The following MCF2L2 variants were observed in gnomAD, a reference collection of about 807,000 sequenced individuals.
MCF2L2 encodes probable guanine nucleotide exchange factor MCF2L2.
Under a neutral mutation model 150.2 loss-of-function variants are expected in MCF2L2, and 102 were observed. The ratio of observed to expected loss-of-function variants is 0.68; its 90% confidence interval spans 0.58 to 0.80. The LOEUF (loss-of-function observed/expected upper bound fraction) is 0.80. MCF2L2 is among the 30% of genes least tolerant of loss of function. The pLI, the probability that MCF2L2 is intolerant of heterozygous loss-of-function variation, is 0.00. For missense variants in MCF2L2, 1,256 were observed against 1,372.8 expected (o/e 0.91, Z 1.34); for synonymous variants, 465 against 491.3 (o/e 0.95, Z 0.71).
intron 1 of MCF2L2, among the ~76,000 whole-genome samples, chr3:183,394,247 G>A (rs1292358228): frequency 2.0e-5 from 3 of 152,282 alleles, no homozygotes; most frequent in East Asian, 1.9e-4. Context: ...GCTCTCAGGC[G>A]CTGTGTAACA....
chr3:183,424,618 A>G (rs1716067504), intron 1 of MCF2L2, among the ~76,000 whole-genome samples: 1 of 152,220 alleles, frequency 6.6e-6, no homozygotes, highest in Non-Finnish European at 1.5e-5. Flanking sequence ...GCGCACGAAT[A>G]ACCCAGTAAC....
intron 5 of MCF2L2, among the ~76,000 whole-genome samples, chr3:183,334,684 T>A (rs1216733767): frequency 6.6e-6 from 1 of 150,756 alleles, no homozygotes; most frequent in African/African-American, 2.4e-5. Flanking sequence ...TCCCAGCTAC[T>A]CGGGAGGCTG....
Position 183,289,626 on chromosome 3 carries a change from C to T in MCF2L2, c.1676-406G>A, listed in dbSNP as rs184071978. 4.5e-3 allele frequency among the ~76,000 whole-genome samples: 681 copies of T among 152,260 alleles called. 6 individuals carry two copies. Among genetic ancestry groups the T allele is most frequent in the African/African-American group, 0.016 (649 of 41,540 alleles). On this transcript the variant is annotated intron_variant, in intron 13 of 29. Coordinates refer to ENST00000328913, the MANE Select transcript of MCF2L2 (RefSeq NM_015078.4). ...ATCCCAGCACTTTGGGAGGCTGAGG[C>T]GGGCAGATCACCTGAGGTCAGGAGT...
intron 5 of MCF2L2, among the ~76,000 whole-genome samples, chr3:183,328,487 T>C (rs1291967642): frequency 6.6e-6 from 1 of 151,068 alleles, no homozygotes; most frequent in African/African-American, 2.4e-5. Context: ...AGCCCCTGAT[T>C]GGTGTCTAGA....
Position 183,305,212 on chromosome 3 carries a change from A to C in MCF2L2, c.1113+4504T>G, listed in dbSNP as rs937011001. The stretch of plus-strand genomic sequence containing the variant: ...GGCTCAGACCAACATACACAGAGAA[A>C]AATGGCTGCACTTGTTCTGCCTAAA... On this transcript the variant is annotated intron_variant, in intron 10 of 29. Transcript: ENST00000328913. The surrounding 1 kb of genome is among the most constrained non-coding windows in gnomAD (Gnocchi z 4.1). Among the ~76,000 whole-genome samples, 6 of 152,200 alleles carry C rather than the reference A, an allele frequency of 3.9e-5. No individual in the cohort carries two copies. Among genetic ancestry groups the C allele is most frequent in the African/African-American group, 1.2e-4 (5 of 41,458 alleles).
chr3:183,222,419 G>A (rs563227874), intron 20 of MCF2L2, among the ~76,000 whole-genome samples: 6 of 152,218 alleles, frequency 3.9e-5, no homozygotes, highest in South Asian at 2.1e-4. Context: ...GCATGGCGGC[G>A]CGTGCCTGTA....
Position 183,323,414 on chromosome 3 carries a change from A to G in MCF2L2, c.487-63T>C, listed in dbSNP as rs547331156. 22 of 740,434 alleles carry G rather than the reference A, an allele frequency of 3.0e-5. No homozygotes were observed. The African/African-American group carries it at 3.7e-4, about 13-fold the overall frequency. The allele number at this position is 740,434 out of a possible 1,614,324, so 45.9% of individuals were successfully genotyped here. A position where few individuals can be genotyped will look rare whatever the true frequency, so the allele number is the denominator to read the frequency against. On this transcript the variant is annotated intron_variant, in intron 5 of 29. Transcript: ENST00000328913. Reference sequence around the variant, plus strand: ...GATCATTAAATAATAGCTCATTTACATTCTATTCTTATCATAATTATATTT... The same window carrying G: ...GATCATTAAATAATAGCTCATTTACGTTCTATTCTTATCATAATTATATTT...
At chr3:183,337,574 GA>G (rs1306078901) in intron 5 of MCF2L2, among the ~76,000 whole-genome samples, 3 of 142,630 alleles carry the variant, frequency 2.1e-5, no homozygotes, top group African/African-American at 5.4e-5. Context: ...AAAAAAAGAA[GA>G]AAAAAAAGAA....
chr3:183,197,277 A>T lies in MCF2L2; in HGVS notation c.2885-2022T>A, dbSNP rs1356153726. On this transcript the variant is annotated intron_variant, in intron 25 of 29. Coordinates refer to ENST00000328913, the MANE Select transcript of MCF2L2 (RefSeq NM_015078.4). The surrounding 1 kb of genome is among the most constrained non-coding windows in gnomAD (Gnocchi z 4.5). The stretch of plus-strand genomic sequence containing the variant: ...TAGTGAGGGACTGATGTCAAGGTAG[A>T]CAAATAGATCAATGGAAAAGAATCA... 1.3e-5 allele frequency among the ~76,000 whole-genome samples: 2 copies of T among 152,242 alleles called. No homozygotes were observed. Among genetic ancestry groups the T allele is most frequent in the African/African-American group, 4.8e-5 (2 of 41,460 alleles).
At chr3:183,410,172 TCTTTTC>T (rs1339514832) in intron 1 of MCF2L2, among the ~76,000 whole-genome samples, 1 of 152,186 alleles carries the variant, frequency 6.6e-6, no homozygotes, top group Non-Finnish European at 1.5e-5. Flanking sequence ...TCTATCTAAA[TCTTTTC>T]CTTCCTTCAA....
intron 10 of MCF2L2, among the ~76,000 whole-genome samples, chr3:183,308,154 G>A (rs923606485): frequency 6.6e-6 from 1 of 152,112 alleles, no homozygotes; most frequent in Non-Finnish European, 1.5e-5. Flanking sequence ...CCAGTAGAAT[G>A]TAAGCTCCAT....
intron 25 of MCF2L2, among the ~76,000 whole-genome samples, chr3:183,195,732 A>C (rs985447388): frequency 6.6e-6 from 1 of 152,130 alleles, no homozygotes; most frequent in African/African-American, 2.4e-5. Flanking sequence ...ACTGCCTCCC[A>C]CAGCATAAAA....
At chr3:183,402,451 CAAAAAAAA>C (rs779201489) in intron 1 of MCF2L2, among the ~76,000 whole-genome samples, 10 of 54,776 alleles carry the variant, frequency 1.8e-4, no homozygotes, top group African/African-American at 3.3e-4. Flanking sequence ...GAGACTCCAT[CAAAAAAAA>C]AAAAAAAAAA....
chr3:183,416,640 A>G (rs1451419096), intron 1 of MCF2L2, among the ~76,000 whole-genome samples: 1 of 152,218 alleles, frequency 6.6e-6, no homozygotes. Flanking sequence ...ATGTTGCAAA[A>G]GCAATATAAT....
chr3:183,352,291 G>A (rs1711528087), intron 3 of MCF2L2, among the ~76,000 whole-genome samples: 1 of 152,032 alleles, frequency 6.6e-6, no homozygotes, highest in African/African-American at 2.4e-5. Flanking sequence ...GGGAGGCTGA[G>A]GCGGGCAGAT....
chr3:183,423,732 G>A (rs1424154595), intron 1 of MCF2L2, among the ~76,000 whole-genome samples: 4 of 140,926 alleles, frequency 2.8e-5, no homozygotes, highest in South Asian at 4.8e-4. Context: ...TCCGCCTCCC[G>A]GGTTCAAGCG....
At chr3:183,286,915 T>A (rs1375113015) in intron 14 of MCF2L2, among the ~76,000 whole-genome samples, 1 of 152,212 alleles carries the variant, frequency 6.6e-6, no homozygotes, top group Non-Finnish European at 1.5e-5. Flanking sequence ...CACAGAAGGA[T>A]GATTGTAACA....
chr3:183,296,738 A>C (rs1450557548), intron 12 of MCF2L2: 6 of 479,024 alleles, frequency 1.3e-5, no homozygotes. Flanking sequence ...CACATGGTAC[A>C]TCAGGAATGC....
intron 3 of MCF2L2, among the ~76,000 whole-genome samples, chr3:183,353,001 T>C (rs1711563807): frequency 6.6e-6 from 1 of 152,178 alleles, no homozygotes; most frequent in Non-Finnish European, 1.5e-5. Context: ...GAGGTAACGA[T>C]GAGAAGGAAC....
Sources: allele counts gnomAD v4.1 joint callset (sites outside exome capture counted in the v4.1 genomes callset), GRCh38; gene constraint gnomAD v4.1.1; non-coding constraint Gnocchi (gnomAD v3.1); transcripts MANE v1.5; gene names NCBI Gene and HGNC (gene_info 2026-07-23, HGNC 2026-07-21).